Variants in TACC1 observed in about 807,000 individuals in gnomAD.
TACC1 encodes transforming acidic coiled-coil-containing protein 1.
TACC1 carries 48 observed loss-of-function variants against 84.4 expected under a neutral mutation model. That is an observed-to-expected ratio of 0.57 (90% CI 0.45 to 0.72). TACC1 has a LOEUF of 0.72. Among genes scored for constraint, TACC1 ranks in the 30% least tolerant of loss-of-function variants. The pLI, the probability that TACC1 is intolerant of heterozygous loss-of-function variation, is 0.00. For missense variants in TACC1, 920 were observed against 973.0 expected, an observed-to-expected ratio of 0.95 and a Z score of 0.72; for synonymous variants, 372 against 376.3, an observed-to-expected ratio of 0.99 and a Z score of 0.13.
chr8:38,822,315 TATCTA>T (rs560851023), intron 3 of TACC1, among the ~76,000 whole-genome samples: 38 of 148,030 alleles, frequency 2.6e-4, no homozygotes, highest in African/African-American at 8.2e-4. Flanking sequence ...TATCTAAACA[TATCTA>T]AGCATAGAAA....
At position 38,846,481 on chromosome 8, in the gene TACC1, G is replaced by A. The variant is rs1832320231; in HGVS notation, c.2229-218G>A. 1.4e-5 allele frequency: 6 copies of A among 443,582 alleles called. No individual in the cohort carries two copies. In the South Asian group the frequency reaches 2.0e-4, roughly 15 times the overall value. The allele number at this position is 443,582 out of a possible 1,614,324, so 27.5% of individuals were successfully genotyped here. ...TCTAAGACTGTTATAGAAACCATTT[G>A]CTAGTGAGATACAAATTTTGAAGTT... On this transcript the variant is annotated intron_variant, in intron 11 of 12. Coordinates refer to ENST00000317827, the MANE Select transcript of TACC1 (RefSeq NM_006283.3).
At chr8:38,804,810 C>T (rs914623342) in intron 2 of TACC1, among the ~76,000 whole-genome samples, 2 of 152,154 alleles carry the variant, frequency 1.3e-5, no homozygotes, top group African/African-American at 4.8e-5. Context: ...CCTGTGTTGT[C>T]CAGGCTGGTC....
chr8:38,794,950 T>A (rs948955183), intron 2 of TACC1, among the ~76,000 whole-genome samples: 4 of 152,224 alleles, frequency 2.6e-5, no homozygotes, highest in African/African-American at 4.8e-5. Context: ...ACAGTTTGAT[T>A]TTTTTGTACT....
intron 1 of TACC1, among the ~76,000 whole-genome samples, chr8:38,733,641 A>G (rs6985677): frequency 0.17 from 25,209 of 151,742 alleles, 2,752 homozygotes; most frequent in African/African-American, 0.32. Context: ...CAGGGACAGC[A>G]CCCGGCAGCA....
Position 38,787,326 on chromosome 8 carries a change from C to G in TACC1, c.-257C>G, listed in dbSNP as rs1817460515. On this transcript the variant is annotated 5_prime_UTR_variant, in exon 1 of 13. Coordinates refer to ENST00000317827, the MANE Select transcript of TACC1 (RefSeq NM_006283.3). ...GAGGAGGCCACAGGACGGGCGTCTTCCCGGCTAGTGGAGCCCGGCGCGGGG... is the reference window on the plus strand; with the variant it reads ...GAGGAGGCCACAGGACGGGCGTCTTGCCGGCTAGTGGAGCCCGGCGCGGGG... 2 of 1,259,738 alleles carry G rather than the reference C, an allele frequency of 1.6e-6. No homozygotes were observed. Among genetic ancestry groups the G allele is most frequent in the Non-Finnish European group, 2.0e-6 (2 of 1,002,082 alleles). 78.0% of individuals were successfully genotyped at this position (1,259,738 alleles called of 1,614,324 possible).
chr8:38,830,012 C>T (rs1022287073), intron 5 of TACC1, among the ~76,000 whole-genome samples: 1 of 152,136 alleles, frequency 6.6e-6, no homozygotes, highest in Non-Finnish European at 1.5e-5. Context: ...GGTAAAAGGC[C>T]TGGTTGCTTT....
At chr8:38,794,562 T>TTGTG (rs35760071) in intron 2 of TACC1, among the ~76,000 whole-genome samples, 3 of 150,388 alleles carry the variant, frequency 2.0e-5, no homozygotes, top group Non-Finnish European at 4.4e-5. Context: ...GTGTGTTTGT[T>TTGTG]TGTGTGTGTG....
intron 2 of TACC1, among the ~76,000 whole-genome samples, chr8:38,804,214 A>G (rs1462213594): frequency 1.3e-5 from 2 of 152,208 alleles, no homozygotes; most frequent in South Asian, 2.1e-4. Context: ...ATAGGAAAAC[A>G]GTTGTTCTAG....
intron 2 of TACC1, among the ~76,000 whole-genome samples, chr8:38,811,369 G>C (rs970630691): frequency 6.6e-6 from 1 of 152,068 alleles, no homozygotes; most frequent in Non-Finnish European, 1.5e-5. Context: ...CTTCAGTCCT[G>C]TATCCAGCTT....
In TACC1 at chr8:38,812,797, T is replaced by G. The variant is rs114232788; in HGVS notation, c.278-6725T>G. Among the ~76,000 whole-genome samples, 995 of 152,330 alleles carry G rather than the reference T, an allele frequency of 6.5e-3. 8 individuals carry two copies. Among genetic ancestry groups the G allele is most frequent in the African/African-American group, 0.023 (939 of 41,568 alleles). On this transcript the variant is annotated intron_variant, in intron 2 of 12. Coordinates refer to ENST00000317827, the MANE Select transcript of TACC1 (RefSeq NM_006283.3). Reference sequence around the variant, plus strand: ...CATTCTTTCAGTATTATTTAATCAATATCTCTCTTTCCTGCTAGTCTCTAA... The same window carrying G: ...CATTCTTTCAGTATTATTTAATCAAGATCTCTCTTTCCTGCTAGTCTCTAA...
At chr8:38,760,930 A>G (rs1587365669) in intron 3 of TACC1, among the ~76,000 whole-genome samples, 1 of 152,222 alleles carries the variant, frequency 6.6e-6, no homozygotes, top group East Asian at 1.9e-4. Context: ...TGTACCCATG[A>G]ACCAGATGCC....
intron 2 of TACC1, among the ~76,000 whole-genome samples, chr8:38,814,159 C>G: frequency 6.6e-6 from 1 of 152,184 alleles, no homozygotes; most frequent in East Asian, 1.9e-4. Flanking sequence ...CAAGGGTCTA[C>G]TGCAGTATAT....
chr8:38,757,965 T>C (rs1036163960), intron 3 of TACC1, among the ~76,000 whole-genome samples: 16 of 152,244 alleles, frequency 1.1e-4, no homozygotes, highest in South Asian at 4.2e-4. Context: ...ACAGCAACAA[T>C]TGGGGACACC....
intron 3 of TACC1, among the ~76,000 whole-genome samples, chr8:38,759,753 C>G (rs1221683022): frequency 6.6e-6 from 1 of 152,050 alleles, no homozygotes; most frequent in Non-Finnish European, 1.5e-5. Flanking sequence ...GTGAGGCAGC[C>G]TCACAAATCA....
At chr8:38,810,315 T>G (rs2152120378) in intron 2 of TACC1, among the ~76,000 whole-genome samples, 1 of 152,318 alleles carries the variant, frequency 6.6e-6, no homozygotes, top group South Asian at 2.1e-4. Flanking sequence ...TTAAATAAAC[T>G]TCTGGCTGGG....
intron 3 of TACC1, among the ~76,000 whole-genome samples, chr8:38,759,295 G>A (rs183425857): frequency 6.6e-6 from 1 of 152,272 alleles, no homozygotes; most frequent in East Asian, 1.9e-4. Flanking sequence ...CAGTATATAT[G>A]AATAATAAGT....
chr8:38,775,886 A>G (rs1470019099), intron 3 of TACC1, among the ~76,000 whole-genome samples: 2 of 152,236 alleles, frequency 1.3e-5, no homozygotes, highest in African/African-American at 4.8e-5. Flanking sequence ...CTTGCTTGTC[A>G]TAGTTCTATA....
intron 3 of TACC1, 106 bp downstream of exon 3, chr8:38,820,741 C>G: frequency 6.9e-7 from 1 of 1,455,444 alleles, no homozygotes; most frequent in South Asian, 1.3e-5. Flanking sequence ...TGAGGTGCAC[C>G]GAGGTTCATA....
Position 38,817,919 on chromosome 8 carries a change from T to TAAA in TACC1, c.278-1577_278-1575dup, listed in dbSNP as rs60301511. Among the ~76,000 whole-genome samples, 233 of 47,828 alleles carry TAAA rather than the reference T, an allele frequency of 4.9e-3. 5 individuals are homozygous for TAAA. Among genetic ancestry groups the TAAA allele is most frequent in the Non-Finnish European group, 7.3e-3 (194 of 26,654 alleles). 31.4% of individuals were successfully genotyped at this position (47,828 alleles called of 152,430 possible). On this transcript the variant is annotated intron_variant, in intron 2 of 12. Coordinates refer to ENST00000317827, the MANE Select transcript of TACC1 (RefSeq NM_006283.3). ...CCTGGGCAACAGAGTGAGAGACCCC[T>TAAA]AAAAAAAAAAAAAAAAAAAAAAAAA...
Sources: allele counts gnomAD v4.1 joint callset (sites outside exome capture counted in the v4.1 genomes callset), GRCh38; gene constraint gnomAD v4.1.1; transcripts MANE v1.5; gene names NCBI Gene and HGNC (gene_info 2026-07-23, HGNC 2026-07-21).